Variants in TEX9 observed in about 807,000 individuals in gnomAD.
TEX9 encodes testis expressed 9.
In TEX9, 74 loss-of-function variants were observed where a neutral mutation model predicts 59.6. The ratio of observed to expected loss-of-function variants is 1.24; its 90% CI spans 1.03 to 1.51. TEX9 has a LOEUF of 1.51. Ranked by LOEUF, TEX9 falls within the 40% of genes most tolerant of loss-of-function variation. The pLI, the probability that TEX9 is intolerant of heterozygous loss-of-function variation, is 0.00. For synonymous variants in TEX9, 186 were observed against 152.2 expected, an observed-to-expected ratio of 1.22 and a Z score of -1.64; for missense variants, 522 against 447.8, an observed-to-expected ratio of 1.17 and a Z score of -1.49.
At chr15:56,344,181 A>T (rs543930141) in intron 1 of TEX9, among the ~76,000 whole-genome samples, 3 of 152,190 alleles carry the variant, frequency 2.0e-5, no homozygotes, top group Non-Finnish European at 4.4e-5. Flanking sequence ...TATCCAAGAG[A>T]ACTGAAAACA....
chr15:56,404,627 T>C (rs556906313), intron 9 of TEX9, among the ~76,000 whole-genome samples: 6 of 152,292 alleles, frequency 3.9e-5, no homozygotes, highest in Admixed American at 1.3e-4. Context: ...GCAATCCCAT[T>C]ACTGAGTATA....
chr15:56,348,723 C>A (rs1181278265), intron 1 of TEX9, among the ~76,000 whole-genome samples: 3 of 151,978 alleles, frequency 2.0e-5, no homozygotes, highest in Admixed American at 6.6e-5. Flanking sequence ...TGGCTTCTTT[C>A]CTTTGTATTT....
chr15:56,254,030 GA>G (rs1340458785), intron 1 of TEX9, among the ~76,000 whole-genome samples: 2 of 152,136 alleles, frequency 1.3e-5, no homozygotes, highest in East Asian at 3.9e-4. Flanking sequence ...ATGGTGTTTT[GA>G]AAGAGTTAAT....
chr15:56,344,840 A>C (rs1466376973), intron 1 of TEX9, among the ~76,000 whole-genome samples: 4 of 151,894 alleles, frequency 2.6e-5, no homozygotes, highest in Admixed American at 2.0e-4. Context: ...CTGGGAACAT[A>C]AAAAGCAGAA....
intron 1 of TEX9, among the ~76,000 whole-genome samples, chr15:56,311,125 CTTTTTTTTTTTTAATTTCT>C (rs555579838): frequency 0.18 from 10,430 of 56,582 alleles, 464 homozygotes; most frequent in East Asian, 0.4. Flanking sequence ...CTCCTTATTT[CTTTTTTTTTTTTAATTTCT>C]TTTTTTTTTT....
At chr15:56,434,693 T>C (rs1327724037) in intron 12 of TEX9, among the ~76,000 whole-genome samples, 1 of 152,126 alleles carries the variant, frequency 6.6e-6, no homozygotes, top group Non-Finnish European at 1.5e-5. Context: ...CAAAAGCCTT[T>C]TTTGCACACC....
chr15:56,377,877 T>C (rs2047530893), intron 3 of TEX9, among the ~76,000 whole-genome samples: 1 of 152,200 alleles, frequency 6.6e-6, no homozygotes, highest in Non-Finnish European at 1.5e-5. Context: ...GCTTTTATTA[T>C]ATTGAGGTCT....
chr15:56,365,934 A>G (rs534162325), intron 2 of TEX9: 1 of 1,279,462 alleles, frequency 7.8e-7, no homozygotes, highest in Non-Finnish European at 9.9e-7. Flanking sequence ...CCAAGTAAAC[A>G]GCAAGATACT....
chr15:56,302,868 G>T (rs2045394742), intron 1 of TEX9, among the ~76,000 whole-genome samples: 1 of 152,170 alleles, frequency 6.6e-6, no homozygotes, highest in South Asian at 2.1e-4. Context: ...GATGGAAAAA[G>T]ATGTTTCATG....
chr15:56,262,992 C>T (rs1317900135), intron 1 of TEX9, among the ~76,000 whole-genome samples: 4 of 152,134 alleles, frequency 2.6e-5, no homozygotes, highest in African/African-American at 7.2e-5. Flanking sequence ...TCTGTACTTA[C>T]ATTTAAAGAA....
At chr15:56,404,245 G>A (rs547292767) in intron 9 of TEX9, among the ~76,000 whole-genome samples, 4 of 152,184 alleles carry the variant, frequency 2.6e-5, no homozygotes, top group South Asian at 2.1e-4. Context: ...TCTGACAAAC[G>A]GCTAATATAT....
intron 1 of TEX9, among the ~76,000 whole-genome samples, chr15:56,259,951 G>A (rs2044226267): frequency 6.6e-6 from 1 of 151,956 alleles, no homozygotes; most frequent in Admixed American, 6.6e-5. Flanking sequence ...TTTCACTTTA[G>A]TGATCTTACA....
At position 56,431,504 on chromosome 15, in the gene TEX9, A is replaced by C. The variant is rs1358227863; in HGVS notation, c.*29+3031A>C. 7 of 1,613,394 alleles carry C rather than the reference A, an allele frequency of 4.3e-6. No homozygotes were observed. In the East Asian group the frequency reaches 1.6e-4, roughly 36 times the overall value. On this transcript the variant is annotated intron_variant, in intron 12 of 12. Coordinates refer to ENST00000352903, the Ensembl canonical transcript of TEX9. ...CACTCTTCTAGTTCACGTTGCTGGA[A>C]ATGCAGATCAAATTTTGTTATCACA...
At chr15:56,434,424 G>T (rs749346509) in intron 12 of TEX9, 4 of 1,584,396 alleles carry the variant, frequency 2.5e-6, no homozygotes, top group Non-Finnish European at 3.4e-6. Context: ...AGTTAATTTA[G>T]TAACTATTTC....
At chr15:56,310,885 A>G (rs1307294340) in intron 1 of TEX9, among the ~76,000 whole-genome samples, 2 of 152,192 alleles carry the variant, frequency 1.3e-5, no homozygotes, top group Non-Finnish European at 2.9e-5. Context: ...AATGACATGC[A>G]CAGGCTTCCA....
At chr15:56,402,152 A>G (rs1470594526) in intron 9 of TEX9, among the ~76,000 whole-genome samples, 2 of 152,216 alleles carry the variant, frequency 1.3e-5, no homozygotes, top group East Asian at 3.9e-4. Context: ...TGAAGGAGAT[A>G]GAGACATGAA....
At chr15:56,431,118 C>T (rs2050580505) in intron 12 of TEX9, among the ~76,000 whole-genome samples, 1 of 152,200 alleles carries the variant, frequency 6.6e-6, no homozygotes, top group African/African-American at 2.4e-5. Flanking sequence ...CTTGCCACTG[C>T]ACTCCAGCCT....
At chr15:56,265,763 G>A (rs1480067119) in intron 1 of TEX9, among the ~76,000 whole-genome samples, 10 of 151,780 alleles carry the variant, frequency 6.6e-5, no homozygotes, top group South Asian at 2.1e-4. Flanking sequence ...CCAGAATATC[G>A]TCTATCTTGG....
chr15:56,360,812 T>C (rs1179616679), upstream of TEX9, among the ~76,000 whole-genome samples: 4 of 152,180 alleles, frequency 2.6e-5, no homozygotes, highest in Non-Finnish European at 5.9e-5. Context: ...CAGAGCTATG[T>C]ACCAGATAAT....
Sources: allele counts gnomAD v4.1 joint callset (sites outside exome capture counted in the v4.1 genomes callset), GRCh38; gene constraint gnomAD v4.1.1; transcripts MANE v1.5; gene names NCBI Gene and HGNC (gene_info 2026-07-23, HGNC 2026-07-21).